GPHN: variants seen among roughly 807,000 people sequenced by gnomAD.
GPHN encodes the protein gephyrin.
In GPHN, 17 loss-of-function variants were observed where a neutral mutation model predicts 95.5. That is an observed-to-expected ratio of 0.18 (90% CI 0.12 to 0.27). The LOEUF (loss-of-function observed/expected upper bound fraction) is 0.27. Ranked by LOEUF, GPHN falls within the 10% of genes least tolerant of loss-of-function variation. GPHN has a pLI of 1.00. For synonymous variants in GPHN, 320 were observed against 322.5 expected (o/e 0.99, Z 0.08); for missense variants, 660 against 978.1 (o/e 0.67, Z 4.34).
chr14:66,989,261 T>C (rs2071238824), intron 9 of GPHN, among the ~76,000 whole-genome samples: 2 of 152,060 alleles, frequency 1.3e-5, no homozygotes, highest in African/African-American at 4.8e-5. Context: ...AAGATTAGTA[T>C]GGATTTTATG....
intron 10 of GPHN, among the ~76,000 whole-genome samples, chr14:67,045,169 G>A (rs1594920266): frequency 6.6e-6 from 1 of 152,146 alleles, no homozygotes. Flanking sequence ...TTCCCAATCT[G>A]TATTTCCCCG....
chr14:67,278,957 G>C, the GPHN span: 9 of 434,866 alleles, frequency 2.1e-5, no homozygotes, highest in South Asian at 4.3e-5. Context: ...AGTGGGCTCT[G>C]TAAAAACCTG....
At chr14:66,916,108 C>G in intron 6 of GPHN, 39 bp downstream of exon 6, 1 of 1,340,618 alleles carries the variant, frequency 7.5e-7, no homozygotes, top group Non-Finnish European at 1.1e-6. Flanking sequence ...AGTGTAAGAG[C>G]TTTTGACCAG....
At chr14:67,590,505 C>T in the GPHN span, among the ~76,000 whole-genome samples, 21 of 152,208 alleles carry the variant, frequency 1.4e-4, no homozygotes, top group Non-Finnish European at 2.2e-4. Context: ...ACTACAGGCA[C>T]GAACCACCAT....
At chr14:66,546,136 G>A (rs1454592471) in intron 1 of GPHN, among the ~76,000 whole-genome samples, 20 of 151,816 alleles carry the variant, frequency 1.3e-4, no homozygotes, top group Admixed American at 8.5e-4. Flanking sequence ...GACGATGGGC[G>A]GCCAGGCAGA....
chr14:66,765,869 A>G (rs1230375033), intron 2 of GPHN, among the ~76,000 whole-genome samples: 2 of 152,214 alleles, frequency 1.3e-5, no homozygotes, highest in Non-Finnish European at 2.9e-5. Flanking sequence ...AATTAACTTC[A>G]GCTGATATGT....
At chr14:66,920,027 T>C (rs950253826) in intron 6 of GPHN, among the ~76,000 whole-genome samples, 1 of 152,044 alleles carries the variant, frequency 6.6e-6, no homozygotes, top group Non-Finnish European at 1.5e-5. Flanking sequence ...GATGGCGCCA[T>C]TGCACTCCAG....
the GPHN span, among the ~76,000 whole-genome samples, chr14:67,494,979 G>A: frequency 2.0e-5 from 3 of 152,124 alleles, no homozygotes; most frequent in Non-Finnish European, 2.9e-5. Context: ...AAAGCAAATG[G>A]GGCAAAATGT....
chr14:67,267,327 T>G, the GPHN span, among the ~76,000 whole-genome samples: 2 of 152,008 alleles, frequency 1.3e-5, no homozygotes, highest in Non-Finnish European at 2.9e-5. Context: ...GGTGCAATCT[T>G]GGCTCACTGC....
At chr14:66,612,526 G>C (rs548923677) in intron 1 of GPHN, among the ~76,000 whole-genome samples, 1 of 151,964 alleles carries the variant, frequency 6.6e-6, no homozygotes, top group Non-Finnish European at 1.5e-5. Flanking sequence ...TTCTTGTTTC[G>C]TTTTTGCATT....
chr14:67,134,914 C>T (rs369596257), intron 17 of GPHN, among the ~76,000 whole-genome samples: 1 of 103,114 alleles, frequency 9.7e-6, no homozygotes, highest in Non-Finnish European at 2.1e-5. Context: ...TCCTTTCTCT[C>T]TCTTTCTTTC....
the GPHN span, among the ~76,000 whole-genome samples, chr14:67,273,562 G>C: frequency 6.6e-6 from 1 of 152,152 alleles, no homozygotes; most frequent in Non-Finnish European, 1.5e-5. Flanking sequence ...TTGCTATTGT[G>C]AATAGTGCCG....
chr14:66,935,279 A>T (rs1218273019), intron 8 of GPHN, among the ~76,000 whole-genome samples: 1 of 152,178 alleles, frequency 6.6e-6, no homozygotes, highest in Non-Finnish European at 1.5e-5. Flanking sequence ...CAGAAATTAA[A>T]TCTTCTGGAG....
At chr14:66,623,020 G>T (rs767216648) in intron 1 of GPHN, among the ~76,000 whole-genome samples, 1 of 152,088 alleles carries the variant, frequency 6.6e-6, no homozygotes, top group Non-Finnish European at 1.5e-5. Flanking sequence ...TTTTCATGCT[G>T]CTGATAAAGA....
intron 9 of GPHN, among the ~76,000 whole-genome samples, chr14:66,990,068 A>G (rs917849679): frequency 1.3e-5 from 2 of 152,180 alleles, no homozygotes; most frequent in African/African-American, 4.8e-5. Flanking sequence ...GAGAGGCCTC[A>G]GGAAACTTAC....
intron 8 of GPHN, among the ~76,000 whole-genome samples, chr14:66,929,750 C>T (rs557867967): frequency 5.1e-4 from 76 of 149,288 alleles, no homozygotes; most frequent in African/African-American, 1.7e-3. Context: ...GTCACTCTTT[C>T]GCCCAGGCCG....
intron 8 of GPHN, among the ~76,000 whole-genome samples, chr14:66,935,533 ATGTT>A (rs1279104361): frequency 6.6e-6 from 1 of 151,156 alleles, no homozygotes; most frequent in Non-Finnish European, 1.5e-5. Flanking sequence ...AACATGCTGT[ATGTT>A]ATGTTTATCA....
chr14:67,053,828 G>A (rs182899951), intron 10 of GPHN, among the ~76,000 whole-genome samples: 6 of 152,098 alleles, frequency 3.9e-5, no homozygotes, highest in African/African-American at 1.4e-4. Context: ...CAATAAACGA[G>A]ATTTATCACA....
chr14:67,343,446 A>G, the GPHN span: 1 of 1,576,156 alleles, frequency 6.3e-7, no homozygotes, highest in Non-Finnish European at 8.7e-7. Context: ...AGTCTAAAAT[A>G]AGAACAAATT....
Sources: gnomAD v4.1 joint callset for allele counts (sites outside exome capture counted in the v4.1 genomes callset) on GRCh38, gnomAD v4.1.1 for gene constraint, MANE v1.5 for transcripts, NCBI Gene and HGNC (gene_info 2026-07-23, HGNC 2026-07-21) for gene names.